MAP3K5: variants seen among roughly 807,000 people sequenced by gnomAD.
MAP3K5 encodes the protein ASK-1.
In MAP3K5, 56 loss-of-function variants were observed where a neutral mutation model predicts 158.7. That is an observed-to-expected ratio of 0.35 (90% CI 0.28 to 0.44). The LOEUF (loss-of-function observed/expected upper bound fraction) is 0.44. Among genes scored for constraint, MAP3K5 ranks in the 20% least tolerant of loss-of-function variants. The probability of loss-of-function intolerance (pLI) is 1.00; values close to 1 mark genes in which losing one functional copy is unlikely to be tolerated. For synonymous variants in MAP3K5, 579 were observed against 601.7 expected (o/e 0.96, Z 0.55); for missense variants, 1,294 against 1,674.8 (o/e 0.77, Z 3.97).
chr6:136,626,957 C>T (rs908145974), intron 14 of MAP3K5, among the ~76,000 whole-genome samples: 1 of 152,100 alleles, frequency 6.6e-6, no homozygotes, highest in Non-Finnish European at 1.5e-5. Context: ...TTTCCACTAC[C>T]TATGCATTAG....
At chr6:136,702,236 G>A (rs1780885076) in intron 3 of MAP3K5, among the ~76,000 whole-genome samples, 1 of 151,876 alleles carries the variant, frequency 6.6e-6, no homozygotes, top group Admixed American at 6.6e-5. Flanking sequence ...GTGATAAGCT[G>A]CAGAAGCCAC....
At chr6:136,718,245 T>C (rs557968348) in intron 2 of MAP3K5, among the ~76,000 whole-genome samples, 4 of 152,238 alleles carry the variant, frequency 2.6e-5, no homozygotes, top group Non-Finnish European at 4.4e-5. Context: ...GGTCTTGCTG[T>C]GTCGCCCAGG....
intron 7 of MAP3K5, among the ~76,000 whole-genome samples, chr6:136,678,754 C>T (rs945207047): frequency 2.0e-5 from 3 of 149,424 alleles, no homozygotes; most frequent in Non-Finnish European, 4.4e-5. Context: ...GAGATGGAGT[C>T]TCGCTCTGTC....
At position 136,591,162 on chromosome 6, in the gene MAP3K5, T is replaced by C. The variant is rs572840257; in HGVS notation, c.3225+1011A>G. ...CATGATTGTGAGGCCTCCCCAGCCA[T>C]GTGGAACTGTGAATCAGTTAAACTT... On this transcript the variant is annotated intron_variant, in intron 23 of 29. Transcript: ENST00000359015. Among the ~76,000 whole-genome samples the C allele has an allele frequency of 6.6e-5, 10 of 152,378 alleles. No homozygotes were observed. In the East Asian group the frequency reaches 1.5e-3, roughly 23 times the overall value.
chr6:136,653,953 A>G (rs1778632302), intron 10 of MAP3K5, among the ~76,000 whole-genome samples: 1 of 152,140 alleles, frequency 6.6e-6, no homozygotes, highest in Non-Finnish European at 1.5e-5. Context: ...GTATTTAGAG[A>G]TGAGGGGGAA....
chr6:136,676,851 G>A (rs1310249655), intron 7 of MAP3K5, among the ~76,000 whole-genome samples: 1 of 148,406 alleles, frequency 6.7e-6, no homozygotes, highest in South Asian at 2.1e-4. Flanking sequence ...GAGTTCAGTG[G>A]TGCGATCTCA....
chr6:136,761,781 T>C (rs770130620), intron 1 of MAP3K5, among the ~76,000 whole-genome samples: 3 of 152,092 alleles, frequency 2.0e-5, no homozygotes, highest in Admixed American at 6.5e-5. Flanking sequence ...CCCAGTGAAC[T>C]CTAAGCAGGA....
intron 1 of MAP3K5, among the ~76,000 whole-genome samples, chr6:136,781,398 G>A (rs1379942409): frequency 6.6e-6 from 1 of 152,188 alleles, no homozygotes; most frequent in African/African-American, 2.4e-5. Flanking sequence ...TGACTACTAT[G>A]ACTCTTCCTC....
chr6:136,776,170 T>A (rs1036793181), intron 1 of MAP3K5, among the ~76,000 whole-genome samples: 5 of 152,252 alleles, frequency 3.3e-5, no homozygotes, highest in African/African-American at 1.2e-4. Context: ...TAGTTCCAAG[T>A]GTATACACGA....
intron 1 of MAP3K5, among the ~76,000 whole-genome samples, chr6:136,758,782 C>G (rs1783613325): frequency 6.6e-6 from 1 of 152,166 alleles, no homozygotes; most frequent in Non-Finnish European, 1.5e-5. Flanking sequence ...TTAGTCTATC[C>G]AAGAAAATAA....
chr6:136,592,510 G>A lies in MAP3K5; in HGVS notation c.2983C>T (p.Pro995Ser). 1 of 1,613,862 alleles carries A rather than the reference G, an allele frequency of 6.2e-7. No individual in the cohort carries two copies. Among genetic ancestry groups the A allele is most frequent in the Middle Eastern group, 1.6e-4 (1 of 6,062 alleles). The change falls in exon 22 of 30, where the codon CCC becomes TCC. Residue 995 changes from proline to serine, a missense_variant. Pro to Ser is a moderately conservative substitution (Grantham distance 74). Around this residue, in one of 5 missense-constraint regions of MAP3K5, gnomAD observed 362 missense variants for 463.2 expected, o/e 0.78. Coordinates refer to ENST00000359015, the MANE Select transcript of MAP3K5 (RefSeq NM_005923.4). ...TTGGCTCTTGTTTTGAAAGAGAAGG[G>A]GTCCACTTTCAACTCCGTGTCGGGT... ...VSPDTELKVD[P>S]FSFKTRAKSC...
In MAP3K5 at chr6:136,611,358, A is replaced by C; in HGVS notation, c.2445T>G (p.Ser815Arg). Residue 815 changes from serine to arginine, a missense_variant, in exon 18 of 30, where the codon AGT becomes AGG. By Grantham distance (110) the Ser-to-Arg change is moderately radical. Coordinates refer to ENST00000359015, the MANE Select transcript of MAP3K5 (RefSeq NM_005923.4). Reference protein sequence around the residue: ...KGDNVLINTYSGVLKISDFGT... With the variant: ...KGDNVLINTYRGVLKISDFGT... ...CGAAGTCAGAGATCTTGAGAACACC[A>C]CTGTAGGTATTAATCAACACATTGT... The C allele has an allele frequency of 6.2e-7, 1 of 1,611,412 alleles. No individual in the cohort carries two copies. The highest frequency in any genetic ancestry group is 8.5e-7 in the Non-Finnish European group (1 of 1,177,730).
intron 26 of MAP3K5, among the ~76,000 whole-genome samples, chr6:136,563,383 C>T (rs571509956): frequency 2.0e-5 from 3 of 152,236 alleles, no homozygotes; most frequent in South Asian, 2.1e-4. Context: ...AAAGTAATCA[C>T]TTTTTGTAAA....
intron 1 of MAP3K5, among the ~76,000 whole-genome samples, chr6:136,740,396 T>C (rs1782660741): frequency 6.6e-6 from 1 of 152,240 alleles, no homozygotes; most frequent in African/African-American, 2.4e-5. Flanking sequence ...TGTTTACTTA[T>C]GATTTCTTAC....
chr6:136,606,884 G>A (rs1305686301), intron 18 of MAP3K5, among the ~76,000 whole-genome samples: 1 of 152,186 alleles, frequency 6.6e-6, no homozygotes, highest in East Asian at 1.9e-4. Flanking sequence ...TCATAGGTGA[G>A]AAATGGACTA....
intron 8 of MAP3K5, among the ~76,000 whole-genome samples, chr6:136,666,612 TTATTA>T (rs1157366627): frequency 6.6e-6 from 1 of 152,192 alleles, no homozygotes; most frequent in African/African-American, 2.4e-5. Context: ...ATTAACATCA[TTATTA>T]TATTAAACTA....
At chr6:136,617,531 A>G (rs1015062659) in intron 15 of MAP3K5, among the ~76,000 whole-genome samples, 4 of 152,174 alleles carry the variant, frequency 2.6e-5, no homozygotes, top group African/African-American at 9.7e-5. Context: ...GAGGGCTTCT[A>G]ATTGTCCAGG....
intron 23 of MAP3K5, among the ~76,000 whole-genome samples, chr6:136,587,082 T>C (rs1430143868): frequency 1.3e-5 from 2 of 152,208 alleles, no homozygotes; most frequent in African/African-American, 4.8e-5. Flanking sequence ...CACAGGGTCT[T>C]CTGCAAAGAT....
chr6:136,567,729 T>G lies in MAP3K5; in HGVS notation c.3663A>C (p.Ser1221=). ...CAGTAGAACTGAGCGTGCTCACGCCTGAGGTAGCCACAGCATCTTCAATGA... is the reference window on the plus strand; with the variant it reads ...CAGTAGAACTGAGCGTGCTCACGCCGGAGGTAGCCACAGCATCTTCAATGA... The part of the protein sequence containing the change: ...QAVIEDAVAT[S]GVSTLSSTVS... Residue 1221 remains serine, a synonymous_variant, in exon 26 of 30, where the codon TCA becomes TCC. Coordinates refer to ENST00000359015, the MANE Select transcript of MAP3K5 (RefSeq NM_005923.4). The G allele has an allele frequency of 6.2e-7, 1 of 1,614,090 alleles. No homozygotes were observed. The highest frequency in any genetic ancestry group is 8.5e-7 in the Non-Finnish European group (1 of 1,180,010).
Sources: allele counts gnomAD v4.1 joint callset (sites outside exome capture counted in the v4.1 genomes callset), GRCh38; gene constraint gnomAD v4.1.1; regional missense constraint gnomAD v4.1.1; transcripts MANE v1.5; gene names NCBI Gene and HGNC (gene_info 2026-07-23, HGNC 2026-07-21).